Variants in SH3GL3 observed in about 807,000 individuals in gnomAD.
The protein encoded by SH3GL3 is SH3 domain containing GRB2 like 3, endophilin A3.
Under a neutral mutation model 47.7 loss-of-function variants are expected in SH3GL3, and 33 were observed. The observed-to-expected ratio is 0.69, with a 90% confidence interval of 0.52 to 0.92. SH3GL3 has a LOEUF of 0.92. SH3GL3 is among the 40% of genes least tolerant of loss of function. The pLI is 0.00. For missense variants in SH3GL3, 363 were observed against 417.8 expected, an observed-to-expected ratio of 0.87 and a Z score of 1.14; for synonymous variants, 155 against 148.8, an observed-to-expected ratio of 1.04 and a Z score of -0.30.
At chr15:83,460,957 C>T (rs2040264755) in intron 1 of SH3GL3, among the ~76,000 whole-genome samples, 1 of 152,030 alleles carries the variant, frequency 6.6e-6, no homozygotes, top group Non-Finnish European at 1.5e-5. Flanking sequence ...GTGGCGGGCA[C>T]CTGTATTCCC....
chr15:83,571,774 A>G (rs1330770007), intron 4 of SH3GL3, among the ~76,000 whole-genome samples: 1 of 152,212 alleles, frequency 6.6e-6, no homozygotes, highest in African/African-American at 2.4e-5. Flanking sequence ...AAACCCAAAT[A>G]TAGGAAAAAT....
At chr15:83,535,679 G>C (rs2043871743) in intron 1 of SH3GL3, among the ~76,000 whole-genome samples, 1 of 152,140 alleles carries the variant, frequency 6.6e-6, no homozygotes, top group Non-Finnish European at 1.5e-5. Context: ...ACCATTCAGG[G>C]TGTTCTAAAA....
In SH3GL3 at chr15:83,593,735, A is replaced by G. The variant is rs2060165084; in HGVS notation, c.838+4964A>G. Among the ~76,000 whole-genome samples, 3 of 152,130 alleles carry G rather than the reference A, an allele frequency of 2.0e-5. No homozygotes were observed. The South Asian group carries it at 6.2e-4, about 31-fold the overall frequency. ...CTGAGTACAAAGGGTTAGAGTGGAC[A>G]TCCTTGCTTTGTCTCTGATTTTAGG... On this transcript the variant is annotated intron_variant, in intron 8 of 8. Coordinates refer to ENST00000427482, the MANE Select transcript of SH3GL3 (RefSeq NM_003027.5).
At chr15:83,557,955 G>A (rs781610793) in intron 1 of SH3GL3, among the ~76,000 whole-genome samples, 6 of 152,062 alleles carry the variant, frequency 3.9e-5, no homozygotes, top group African/African-American at 1.4e-4. Context: ...CTCACACTTC[G>A]AATTTAAGTA....
At chr15:83,457,973 A>C (rs142053098) in intron 1 of SH3GL3, among the ~76,000 whole-genome samples, 1 of 152,106 alleles carries the variant, frequency 6.6e-6, no homozygotes, top group East Asian at 1.9e-4. Context: ...CTTTAGTTTA[A>C]TTTTTCAGCT....
downstream of SH3GL3, among the ~76,000 whole-genome samples, chr15:83,623,614 G>A (rs938074060): frequency 5.3e-5 from 8 of 152,220 alleles, no homozygotes; most frequent in Non-Finnish European, 4.4e-5. Context: ...GCCCAGCATC[G>A]GAGTGGGAGG....
intron 6 of SH3GL3, among the ~76,000 whole-genome samples, chr15:83,578,314 G>A (rs183946222): frequency 5.3e-5 from 8 of 152,270 alleles, no homozygotes; most frequent in Non-Finnish European, 8.8e-5. Flanking sequence ...TGGCTTCAGC[G>A]ATGCCAGGAG....
At chr15:83,591,157 A>G (rs1349464278) in intron 8 of SH3GL3, among the ~76,000 whole-genome samples, 1 of 151,966 alleles carries the variant, frequency 6.6e-6, no homozygotes, top group African/African-American at 2.4e-5. Flanking sequence ...ACAGACACAC[A>G]CCACAATGCC....
the SH3GL3 span, among the ~76,000 whole-genome samples, chr15:83,629,552 G>T: frequency 6.6e-6 from 1 of 152,272 alleles, no homozygotes; most frequent in East Asian, 1.9e-4. Context: ...GGGTGCAGTG[G>T]CTAATCCCTG....
At chr15:83,546,450 T>C (rs1044487971) in intron 1 of SH3GL3, among the ~76,000 whole-genome samples, 1 of 150,788 alleles carries the variant, frequency 6.6e-6, no homozygotes, top group African/African-American at 2.4e-5. Context: ...TGGCCCAGGG[T>C]GGGTTAAGGA....
At chr15:83,511,147 TAAAAA>T (rs71673884) in intron 1 of SH3GL3, among the ~76,000 whole-genome samples, 28,159 of 151,728 alleles carry the variant, frequency 0.19, 2,970 homozygotes, top group South Asian at 0.45. Flanking sequence ...ATAATAATAA[TAAAAA>T]AAAGAAAGTT....
chr15:83,461,038 A>G (rs1391878811), intron 1 of SH3GL3, among the ~76,000 whole-genome samples: 2 of 151,874 alleles, frequency 1.3e-5, no homozygotes, highest in Non-Finnish European at 2.9e-5. Context: ...AGCCGAGATC[A>G]CGCCACTGCA....
chr15:83,550,948 G>A (rs12592318), intron 1 of SH3GL3, among the ~76,000 whole-genome samples: 27,269 of 152,018 alleles, frequency 0.18, 3,075 homozygotes, highest in Non-Finnish European at 0.25. Context: ...CTTAGGTTCC[G>A]GCTTTCTTGC....
chr15:83,631,694 A>G, the SH3GL3 span, among the ~76,000 whole-genome samples: 3 of 152,212 alleles, frequency 2.0e-5, no homozygotes, highest in African/African-American at 4.8e-5. Context: ...CTGAGGCTGC[A>G]TAGAGCCGGT....
At chr15:83,487,652 G>A (rs2041666609) in intron 1 of SH3GL3, among the ~76,000 whole-genome samples, 2 of 152,092 alleles carry the variant, frequency 1.3e-5, no homozygotes, top group African/African-American at 4.8e-5. Flanking sequence ...TAGACCTAGT[G>A]TTGGCACACA....
intron 1 of SH3GL3, among the ~76,000 whole-genome samples, chr15:83,450,354 G>A (rs1325073395): frequency 6.6e-6 from 1 of 151,978 alleles, no homozygotes; most frequent in African/African-American, 2.4e-5. Flanking sequence ...AAATTCTTAA[G>A]TAAGTTAAGC....
At chr15:83,515,404 G>T (rs1002950679) in intron 1 of SH3GL3, among the ~76,000 whole-genome samples, 8 of 152,168 alleles carry the variant, frequency 5.3e-5, no homozygotes, top group African/African-American at 1.7e-4. Context: ...GAACTAGCAG[G>T]TCGAGTGCTT....
chr15:83,490,692 C>G, intron 1 of SH3GL3: 1 of 1,384,388 alleles, frequency 7.2e-7, no homozygotes, highest in Non-Finnish European at 9.8e-7. Flanking sequence ...TCAGGGAAAA[C>G]AGACCAAGCT....
chr15:83,589,202 A>G (rs1045266498), intron 8 of SH3GL3, among the ~76,000 whole-genome samples: 3 of 152,130 alleles, frequency 2.0e-5, no homozygotes, highest in African/African-American at 7.2e-5. Context: ...AAATAATCAA[A>G]CAGAAAAAAA....
Sources: allele counts gnomAD v4.1 joint callset (sites outside exome capture counted in the v4.1 genomes callset), GRCh38; gene constraint gnomAD v4.1.1; transcripts MANE v1.5; gene names NCBI Gene and HGNC (gene_info 2026-07-23, HGNC 2026-07-21).